The following SPIDR variants were observed in gnomAD, a reference collection of about 807,000 sequenced individuals.
SPIDR encodes DNA repair-scaffolding protein.
In SPIDR, 93 loss-of-function variants were observed where a neutral mutation model predicts 104.6. The observed-to-expected ratio is 0.89, with a 90% CI of 0.75 to 1.06. SPIDR has a LOEUF of 1.06. Among genes scored for constraint, SPIDR ranks in the 50% least tolerant of loss-of-function variants. The probability of loss-of-function intolerance (pLI) is 0.00; values close to 1 mark genes in which losing one functional copy is unlikely to be tolerated. For synonymous variants in SPIDR, 431 were observed against 416.9 expected, an observed-to-expected ratio of 1.03 and a Z score of -0.41; for missense variants, 1,154 against 1,111.2, an observed-to-expected ratio of 1.04 and a Z score of -0.55.
At chr8:47,302,249 C>T (rs926328739) in intron 5 of SPIDR, among the ~76,000 whole-genome samples, 78 of 152,002 alleles carry the variant, frequency 5.1e-4, no homozygotes, top group Non-Finnish European at 1.0e-3. Flanking sequence ...GCTACTGAGG[C>T]TTGTGCATTC....
At position 47,702,076 on chromosome 8, in the gene SPIDR, CTCTCTCTCTCTCTCTCTCTCTT is replaced by C. The variant is rs1323810566; in HGVS notation, c.1977+62_1977+83del. ...TTTCTCTCTCTCTCTCTCTCTCTCT[CTCTCTCTCTCTCTCTCTCTCTT>C]ACACACACACACACACACACACACA... On this transcript the variant is annotated intron_variant, in intron 14 of 19. Transcript: ENST00000297423. The C allele has an allele frequency of 2.8e-3, 1,650 of 582,976 alleles. 30 individuals are homozygous for C. In the African/African-American group the frequency reaches 0.037, roughly 13 times the overall value. 36.1% of individuals were successfully genotyped at this position (582,976 alleles called of 1,614,324 possible). A position where few individuals can be genotyped will look rare whatever the true frequency, so the allele number is the denominator to read the frequency against.
chr8:47,313,735 A>G (rs1464157305), intron 5 of SPIDR, among the ~76,000 whole-genome samples: 1 of 152,228 alleles, frequency 6.6e-6, no homozygotes, highest in East Asian at 1.9e-4. Flanking sequence ...GTGGAACAGA[A>G]CAGAGCCCTC....
At chr8:47,581,837 A>T (rs947339586) in intron 8 of SPIDR, among the ~76,000 whole-genome samples, 3 of 152,212 alleles carry the variant, frequency 2.0e-5, no homozygotes, top group African/African-American at 7.2e-5. Flanking sequence ...CTATTAATCC[A>T]CTAATCCTCT....
At chr8:47,732,454 G>A in intron 19 of SPIDR, 3 of 495,172 alleles carry the variant, frequency 6.1e-6, no homozygotes, top group Non-Finnish European at 1.1e-5. Context: ...GAGGGTGGCA[G>A]CAGCCTTAGT....
At chr8:47,610,526 A>G (rs1169448710) in intron 10 of SPIDR, among the ~76,000 whole-genome samples, 1 of 152,202 alleles carries the variant, frequency 6.6e-6, no homozygotes, top group Admixed American at 6.5e-5. Flanking sequence ...TGCCTCTGTC[A>G]AATGACCTAC....
chr8:47,468,191 A>G (rs1446990920), intron 8 of SPIDR, among the ~76,000 whole-genome samples: 1 of 152,224 alleles, frequency 6.6e-6, no homozygotes, highest in Non-Finnish European at 1.5e-5. Flanking sequence ...CACTGCTTAA[A>G]GAAATCGGAG....
intron 10 of SPIDR, among the ~76,000 whole-genome samples, chr8:47,614,959 A>G (rs1172135878): frequency 6.6e-6 from 1 of 152,092 alleles, no homozygotes; most frequent in East Asian, 1.9e-4. Flanking sequence ...CTATTTTTAT[A>G]TATTGTAGAT....
intron 8 of SPIDR, among the ~76,000 whole-genome samples, chr8:47,441,340 A>C (rs1554696872): frequency 6.6e-6 from 1 of 151,942 alleles, no homozygotes; most frequent in South Asian, 2.1e-4. Context: ...AATTGGAAAT[A>C]TGATGTTTAT....
In SPIDR at chr8:47,437,362, C is replaced by T. The variant is rs542723757; in HGVS notation, c.878-2961C>T. Among the ~76,000 whole-genome samples, 37 of 151,416 alleles carry T rather than the reference C, an allele frequency of 2.4e-4. No homozygotes were observed. In the South Asian group the frequency reaches 6.9e-3, roughly 28 times the overall value. The stretch of plus-strand genomic sequence containing the variant: ...TGTGGTGTTTGGTTTTTTGTTCTTG[C>T]GATAGTTTACTGAGAATGATGCTTT... On this transcript the variant is annotated intron_variant, in intron 7 of 19. Coordinates refer to ENST00000297423, the MANE Select transcript of SPIDR (RefSeq NM_001080394.4).
At chr8:47,300,131 C>G (rs1350776439) in intron 5 of SPIDR, among the ~76,000 whole-genome samples, 4 of 152,132 alleles carry the variant, frequency 2.6e-5, no homozygotes, top group African/African-American at 7.2e-5. Context: ...ATTTCAGAGC[C>G]TGTTATTGGT....
chr8:47,379,474 G>A (rs1554644227), intron 5 of SPIDR, among the ~76,000 whole-genome samples: 2 of 152,132 alleles, frequency 1.3e-5, no homozygotes, highest in African/African-American at 4.8e-5. Flanking sequence ...AGGTTGTAGT[G>A]AGCCAAGATA....
At chr8:47,560,887 C>G (rs953473507) in intron 8 of SPIDR, among the ~76,000 whole-genome samples, 1 of 152,172 alleles carries the variant, frequency 6.6e-6, no homozygotes, top group African/African-American at 2.4e-5. Context: ...CTTCTGTGCT[C>G]TGCTGCACAA....
intron 5 of SPIDR, among the ~76,000 whole-genome samples, chr8:47,365,975 A>AGC (rs1202531432): frequency 1.4e-5 from 2 of 147,128 alleles, no homozygotes; most frequent in African/African-American, 5.4e-5. Context: ...TACATGCACA[A>AGC]GCACACACAC....
chr8:47,511,984 GA>G, intron 8 of SPIDR: 1 of 790,394 alleles, frequency 1.3e-6, no homozygotes. Flanking sequence ...GGTTGCCTGT[GA>G]AATGGTTATG....
At chr8:47,566,911 A>AG (rs1285444915) in intron 8 of SPIDR, among the ~76,000 whole-genome samples, 4 of 152,242 alleles carry the variant, frequency 2.6e-5, no homozygotes, top group African/African-American at 9.6e-5. Flanking sequence ...TGATATTTTA[A>AG]GTAGAATTAA....
intron 11 of SPIDR, among the ~76,000 whole-genome samples, chr8:47,690,678 G>C (rs538336075): frequency 1.3e-5 from 2 of 152,036 alleles, no homozygotes; most frequent in Non-Finnish European, 2.9e-5. Context: ...AATTAACCAG[G>C]CATGGTGGCA....
intron 10 of SPIDR, chr8:47,654,026 G>T: frequency 7.8e-7 from 1 of 1,288,684 alleles, no homozygotes; most frequent in Non-Finnish European, 1.0e-6. Flanking sequence ...TCCATGAGGG[G>T]AACAGGCGGG....
Position 47,271,926 on chromosome 8 carries a change from GAGT to G in SPIDR, c.34-7933_34-7931del, listed in dbSNP as rs1469371420. ...CCTCAGCCTCCTGCCTCAGCCTCCT[GAGT>G]AGCTGGGATTACAAGCAGGCACCAC... On this transcript the variant is annotated intron_variant, in intron 1 of 19. Coordinates refer to ENST00000297423, the MANE Select transcript of SPIDR (RefSeq NM_001080394.4). Among the ~76,000 whole-genome samples the G allele has an allele frequency of 1.2e-4, 18 of 152,108 alleles. No homozygotes were observed. The South Asian group carries it at 3.7e-3, about 32-fold the overall frequency.
intron 5 of SPIDR, among the ~76,000 whole-genome samples, chr8:47,363,354 C>T (rs1486358483): frequency 2.0e-5 from 3 of 150,674 alleles, no homozygotes; most frequent in Non-Finnish European, 4.4e-5. Flanking sequence ...TACAGGCGCC[C>T]GCCGCTACTC....
Sources: allele counts gnomAD v4.1 joint callset (sites outside exome capture counted in the v4.1 genomes callset), GRCh38; gene constraint gnomAD v4.1.1; transcripts MANE v1.5; gene names NCBI Gene and HGNC (gene_info 2026-07-23, HGNC 2026-07-21).